KIAA1217: variants seen among roughly 807,000 people sequenced by gnomAD.
The protein encoded by KIAA1217 is sickle tail protein homolog.
Under a neutral mutation model 163.9 loss-of-function variants are expected in KIAA1217, and 88 were observed. That is an observed-to-expected ratio of 0.54 (90% CI 0.45 to 0.64). The LOEUF is 0.64. Among genes scored for constraint, KIAA1217 ranks in the 30% least tolerant of loss-of-function variants. The pLI is 0.00. For synonymous variants in KIAA1217, 903 were observed against 923.1 expected (o/e 0.98, Z 0.39); for missense variants, 2,372 against 2,475.0 (o/e 0.96, Z 0.88).
At chr10:24,472,673 G>A (rs532420619) in intron 5 of KIAA1217, among the ~76,000 whole-genome samples, 2 of 152,286 alleles carry the variant, frequency 1.3e-5, no homozygotes, top group East Asian at 1.9e-4. Flanking sequence ...TTCATTTCTT[G>A]TGGTTGCTGT....
chr10:23,988,056 A>AG (rs1295171527), intron 1 of KIAA1217, among the ~76,000 whole-genome samples: 3 of 151,874 alleles, frequency 2.0e-5, no homozygotes, highest in Non-Finnish European at 4.4e-5. Context: ...TTTTTTTTAA[A>AG]AAGCAGCGTG....
At chr10:24,072,475 T>A (rs770945376) in intron 2 of KIAA1217, among the ~76,000 whole-genome samples, 7 of 152,206 alleles carry the variant, frequency 4.6e-5, no homozygotes, top group South Asian at 2.1e-4. Context: ...TAGGTAAACA[T>A]AAATAATAAT....
Position 24,546,247 on chromosome 10 carries a change from C to G in KIAA1217, c.5755C>G (p.Pro1919Ala), listed in dbSNP as rs757982787. ...GAKGTRTIHTPSLTSYKAQNG... is the reference protein window; with the variant it reads ...GAKGTRTIHTASLTSYKAQNG... Reference sequence around the variant, plus strand: ...CAAGGGCACCAGGACCATCCATACTCCCAGCCTCACCAGCTACAAGGCACA... The same window carrying G: ...CAAGGGCACCAGGACCATCCATACTGCCAGCCTCACCAGCTACAAGGCACA... The change falls in exon 21 of 21, where the codon CCC (proline) becomes GCC (alanine). Residue 1919 changes from proline (P) to alanine (A), a missense_variant. Pro to Ala is a conservative substitution (Grantham distance 27). Transcript: ENST00000376454. The G allele has an allele frequency of 6.2e-7, 1 of 1,614,218 alleles. No individual in the cohort carries two copies. Among genetic ancestry groups the G allele is most frequent in the Non-Finnish European group, 8.5e-7 (1 of 1,180,040 alleles).
chr10:23,702,086 G>A (rs1275100299), intron 1 of KIAA1217, among the ~76,000 whole-genome samples: 2 of 152,172 alleles, frequency 1.3e-5, no homozygotes, highest in African/African-American at 2.4e-5. Flanking sequence ...TTAGATTACA[G>A]TGGCTTTTCT....
At chr10:24,467,323 G>C (rs1177909003) in intron 5 of KIAA1217, among the ~76,000 whole-genome samples, 1 of 152,174 alleles carries the variant, frequency 6.6e-6, no homozygotes, top group Non-Finnish European at 1.5e-5. Context: ...TGAGGCTCTT[G>C]AAGAAACTAC....
At chr10:23,996,384 CT>C (rs1685742345) in intron 1 of KIAA1217, among the ~76,000 whole-genome samples, 1 of 152,146 alleles carries the variant, frequency 6.6e-6, no homozygotes, top group African/African-American at 2.4e-5. Flanking sequence ...GAGACAATTT[CT>C]CCATGTGGAA....
chr10:24,456,845 G>A (rs12771167), intron 5 of KIAA1217, among the ~76,000 whole-genome samples: 3,271 of 151,822 alleles, frequency 0.022, 51 homozygotes, highest in Non-Finnish European at 0.034. Flanking sequence ...TGGGATTACA[G>A]GCACCTGCCA....
At position 24,257,259 on chromosome 10, in the gene KIAA1217, G is replaced by T. The variant is rs57439278; in HGVS notation, c.354+37350G>T. Among the ~76,000 whole-genome samples the T allele has an allele frequency of 3.6e-3, 541 of 152,202 alleles. 3 individuals carry two copies. The highest frequency in any genetic ancestry group is 0.013 in the African/African-American group (521 of 41,524). On this transcript the variant is annotated intron_variant, in intron 2 of 20. Transcript: ENST00000376454. ...TTTAAAAAACTTTGGTGTATTGGGG[G>T]AATGGAAACAAAGATATTTACTAGA...
chr10:24,044,026 G>T (rs1270784341), intron 2 of KIAA1217, among the ~76,000 whole-genome samples: 1 of 152,012 alleles, frequency 6.6e-6, no homozygotes, highest in Non-Finnish European at 1.5e-5. Flanking sequence ...TAATGAGTTG[G>T]GGGATTTTTT....
intron 3 of KIAA1217, among the ~76,000 whole-genome samples, chr10:24,385,404 G>A (rs1323664462): frequency 6.6e-6 from 1 of 152,186 alleles, no homozygotes; most frequent in African/African-American, 2.4e-5. Context: ...ACCCGTCTTA[G>A]ACATCACTGG....
chr10:24,112,271 A>T (rs1223895992), intron 2 of KIAA1217, among the ~76,000 whole-genome samples: 1 of 152,224 alleles, frequency 6.6e-6, no homozygotes, highest in Non-Finnish European at 1.5e-5. Flanking sequence ...TCTTCCACAA[A>T]ATTAAGGCTA....
rs139195156 is a variant in KIAA1217 at position 24,120,083 on chromosome 10, C to T, written c.-170-99543C>T. ...CCTATGCGTCATCTGTTGCCATAGC[C>T]AAGTGCTCCCAGAACCGGCCTTGTT... On this transcript the variant is annotated intron_variant, in intron 2 of 18. Coordinates refer to the KIAA1217 transcript ENST00000376462. Among the ~76,000 whole-genome samples the T allele has an allele frequency of 9.3e-4, 141 of 152,274 alleles. 2 individuals carry two copies. The highest frequency in any genetic ancestry group is 3.3e-3 in the African/African-American group (136 of 41,560).
At chr10:24,083,334 T>A (rs1229409885) in intron 2 of KIAA1217, among the ~76,000 whole-genome samples, 5 of 152,202 alleles carry the variant, frequency 3.3e-5, no homozygotes, top group African/African-American at 1.2e-4. Flanking sequence ...CAGAGGACAT[T>A]GCTGGTGCAT....
At chr10:23,890,179 C>T (rs1311074543) in intron 1 of KIAA1217, among the ~76,000 whole-genome samples, 1 of 151,598 alleles carries the variant, frequency 6.6e-6, no homozygotes, top group African/African-American at 2.4e-5. Flanking sequence ...TTGTTTTTAA[C>T]AATCTTTTTA....
intron 2 of KIAA1217, among the ~76,000 whole-genome samples, chr10:24,290,753 C>T (rs761860292): frequency 1.3e-5 from 2 of 151,982 alleles, no homozygotes; most frequent in Non-Finnish European, 2.9e-5. Flanking sequence ...CAGGTGCCCA[C>T]CACCATGCCT....
intron 1 of KIAA1217, among the ~76,000 whole-genome samples, chr10:24,003,420 G>A (rs1846843721): frequency 6.6e-6 from 1 of 152,106 alleles, no homozygotes; most frequent in Admixed American, 6.6e-5. Flanking sequence ...TAGTGATGTT[G>A]AGCTTTTTTT....
At position 24,101,584 on chromosome 10, in the gene KIAA1217, A is replaced by G. The variant is rs144195016; in HGVS notation, c.-171+94210A>G. On this transcript the variant is annotated intron_variant, in intron 2 of 18. Coordinates refer to the KIAA1217 transcript ENST00000376462. Reference sequence around the variant, plus strand: ...TTATTGCTATACTTGGGAGCTAATAATGAATTACATTGAAAGCTATACTCG... The same window carrying G: ...TTATTGCTATACTTGGGAGCTAATAGTGAATTACATTGAAAGCTATACTCG... 3.6e-3 allele frequency among the ~76,000 whole-genome samples: 549 copies of G among 152,312 alleles called. 5 individuals are homozygous for G. Among genetic ancestry groups the G allele is most frequent in the African/African-American group, 0.012 (501 of 41,568 alleles).
intron 2 of KIAA1217, among the ~76,000 whole-genome samples, chr10:24,016,530 T>A (rs1847485047): frequency 6.6e-6 from 1 of 152,164 alleles, no homozygotes; most frequent in Non-Finnish European, 1.5e-5. Context: ...AACAAAGATG[T>A]CAACACAACT....
chr10:23,701,802 A>G (rs981798754), intron 1 of KIAA1217, among the ~76,000 whole-genome samples: 6 of 152,170 alleles, frequency 3.9e-5, no homozygotes, highest in African/African-American at 1.4e-4. Flanking sequence ...TATTGCGTGT[A>G]CGTGTTAAAG....
Sources: gnomAD v4.1 joint callset for allele counts (sites outside exome capture counted in the v4.1 genomes callset) on GRCh38, gnomAD v4.1.1 for gene constraint, MANE v1.5 for transcripts, NCBI Gene and HGNC (gene_info 2026-07-23, HGNC 2026-07-21) for gene names.